The following ZNF804A variants were observed in gnomAD, a reference collection of about 807,000 sequenced individuals.
ZNF804A encodes the protein zinc finger protein 804A.
ZNF804A carries 2 observed loss-of-function variants against 16.5 expected under a neutral mutation model. The observed-to-expected ratio is 0.12, with a 90% CI of 0.05 to 0.38. ZNF804A has a LOEUF of 0.38. Among genes scored for constraint, ZNF804A ranks in the 10% least tolerant of loss-of-function variants. The probability of loss-of-function intolerance (pLI) is 0.99; values close to 1 mark genes in which losing one functional copy is unlikely to be tolerated. For missense variants in ZNF804A, 1,473 were observed against 1,390.7 expected (o/e 1.06, Z -0.94); for synonymous variants, 534 against 489.6 (o/e 1.09, Z -1.20).
In ZNF804A at chr2:184,887,864, C is replaced by T. The variant is rs149091995; in HGVS notation, c.255+21352C>T. Among the ~76,000 whole-genome samples the T allele has an allele frequency of 1.1e-4, 16 of 152,194 alleles. No homozygotes were observed. The East Asian group carries it at 2.5e-3, about 24-fold the overall frequency. On this transcript the variant is annotated intron_variant, in intron 2 of 3. Transcript: ENST00000302277. ...CAGGCCACTATCTTAAGTGAGTTAA[C>T]ACAGGAACAGAAAACCAAATACCAC...
chr2:184,861,137 A>G (rs2105808698), intron 1 of ZNF804A, among the ~76,000 whole-genome samples: 1 of 152,302 alleles, frequency 6.6e-6, no homozygotes, highest in East Asian at 1.9e-4. Flanking sequence ...CCTGCCCAGC[A>G]TTAGTTTTTT....
intron 1 of ZNF804A, among the ~76,000 whole-genome samples, chr2:184,759,916 ACT>A (rs1419302578): frequency 6.6e-6 from 1 of 151,884 alleles, no homozygotes; most frequent in African/African-American, 2.4e-5. Context: ...CCCTTTGCTG[ACT>A]CTCTTTTCGG....
rs751620835 is a variant in ZNF804A at position 184,937,391 on chromosome 2, A to C, written c.1995A>C (p.Ile665=). 2.7e-5 allele frequency: 44 copies of C among 1,613,398 alleles called. No homozygotes were observed. Among genetic ancestry groups the C allele is most frequent in the Non-Finnish European group, 5.1e-6 (6 of 1,179,770 alleles). Residue 665 remains isoleucine (I), a synonymous_variant, in exon 4 of 4, where the codon ATA becomes ATC. Transcript: ENST00000302277. ...LLDKRPKSES[I]SLSDNEEMCK... ...ATAAAAGGCCCAAATCAGAATCCAT[A>C]TCCTTAAGTGACAATGAAGAAATGT... is the stretch of plus-strand genomic sequence containing the variant.
At chr2:184,711,072 G>T (rs541334200) in intron 1 of ZNF804A, among the ~76,000 whole-genome samples, 1 of 151,814 alleles carries the variant, frequency 6.6e-6, no homozygotes, top group Admixed American at 6.6e-5. Flanking sequence ...TGTTTTGAGA[G>T]ATGTGACTAT....
intron 1 of ZNF804A, among the ~76,000 whole-genome samples, chr2:184,816,540 G>A (rs1393281976): frequency 6.6e-6 from 1 of 151,924 alleles, no homozygotes; most frequent in Non-Finnish European, 1.5e-5. Flanking sequence ...ATTATTCAAC[G>A]TTCAATGTTC....
intron 2 of ZNF804A, among the ~76,000 whole-genome samples, chr2:184,899,461 T>C (rs1167318482): frequency 6.6e-6 from 1 of 152,002 alleles, no homozygotes; most frequent in Non-Finnish European, 1.5e-5. Context: ...TTCAAAAGTG[T>C]GGTCTTTTTC....
chr2:184,706,130 T>C (rs79300728), intron 1 of ZNF804A, among the ~76,000 whole-genome samples: 2,444 of 152,298 alleles, frequency 0.016, 25 homozygotes, highest in Non-Finnish European at 0.026. Context: ...TTTTCAGTCA[T>C]GTTCCTTCCA....
chr2:184,602,737 CATT>C (rs1335794745), intron 1 of ZNF804A, among the ~76,000 whole-genome samples: 1 of 151,904 alleles, frequency 6.6e-6, no homozygotes, highest in Non-Finnish European at 1.5e-5. Context: ...CTCATAATAA[CATT>C]ATATCTATTT....
At position 184,853,608 on chromosome 2, in the gene ZNF804A, A is replaced by G. The variant is rs984899499; in HGVS notation, c.112-12761A>G. On this transcript the variant is annotated intron_variant, in intron 1 of 3. Coordinates refer to ENST00000302277, the MANE Select transcript of ZNF804A (RefSeq NM_194250.2). ...TTTTGAGAGCATTTATCATGAGAGG[A>G]TGTTGAGTTTAGTTAAATTTTTTTC... is the stretch of plus-strand genomic sequence containing the variant. 1.4e-4 allele frequency among the ~76,000 whole-genome samples: 21 copies of G among 151,490 alleles called. No homozygotes were observed. The Admixed American group carries it at 1.4e-3, about 10-fold the overall frequency.
At chr2:184,886,029 C>T (rs1684884479) in intron 2 of ZNF804A, among the ~76,000 whole-genome samples, 1 of 152,144 alleles carries the variant, frequency 6.6e-6, no homozygotes, top group African/African-American at 2.4e-5. Context: ...AGTCCACAGT[C>T]CAAAGTCTCA....
intron 2 of ZNF804A, among the ~76,000 whole-genome samples, chr2:184,870,872 G>A (rs7588907): frequency 5.9e-5 from 9 of 151,512 alleles, no homozygotes; most frequent in African/African-American, 2.2e-4. Flanking sequence ...CCATCCTTCA[G>A]AAGAGTAATG....
intron 1 of ZNF804A, among the ~76,000 whole-genome samples, chr2:184,843,705 C>T (rs10180597): frequency 0.15 from 23,246 of 152,138 alleles, 1,974 homozygotes; most frequent in Middle Eastern, 0.24. Context: ...TTTCTACCAT[C>T]TCTAGTAACG....
chr2:184,933,164 CAG>C (rs1244017175), intron 2 of ZNF804A, among the ~76,000 whole-genome samples: 2 of 145,834 alleles, frequency 1.4e-5, no homozygotes, highest in African/African-American at 5.1e-5. Context: ...CACACACACA[CAG>C]ACACAAAGGA....
intron 1 of ZNF804A, among the ~76,000 whole-genome samples, chr2:184,705,864 A>G (rs1284436227): frequency 3.3e-5 from 5 of 152,168 alleles, no homozygotes; most frequent in African/African-American, 1.2e-4. Flanking sequence ...AAGTTATTGA[A>G]CAACAGATTG....
chr2:184,685,550 T>TCTG (rs1461664262), intron 1 of ZNF804A, among the ~76,000 whole-genome samples: 1 of 152,062 alleles, frequency 6.6e-6, no homozygotes, highest in Non-Finnish European at 1.5e-5. Flanking sequence ...AGAGAGGAGC[T>TCTG]TCATTGAGTG....
intron 2 of ZNF804A, among the ~76,000 whole-genome samples, chr2:184,882,025 T>C (rs1028867695): frequency 1.3e-5 from 2 of 152,014 alleles, no homozygotes; most frequent in African/African-American, 4.8e-5. Flanking sequence ...GACCCAGTGG[T>C]ATGCTGGTTT....
At position 184,866,692 on chromosome 2, in the gene ZNF804A, TA is replaced by T. The variant is rs1301517985; in HGVS notation, c.255+189del. Among the ~76,000 whole-genome samples, 286 of 142,132 alleles carry T rather than the reference TA, an allele frequency of 2.0e-3. 1 individual carries two copies. Among genetic ancestry groups the T allele is most frequent in the South Asian group, 2.9e-3 (13 of 4,558 alleles). The allele number at this position is 142,132 out of a possible 152,430, so 93.2% of individuals were successfully genotyped here. ...ACAGCAAAATCCTTTTTTTTTTTTT[TA>T]AAAAAAAAGGCACCAATAGCAAAGT... On this transcript the variant is annotated intron_variant, in intron 2 of 3. Coordinates refer to ENST00000302277, the MANE Select transcript of ZNF804A (RefSeq NM_194250.2).
chr2:184,932,066 G>C (rs1490082702), intron 2 of ZNF804A, among the ~76,000 whole-genome samples: 1 of 152,104 alleles, frequency 6.6e-6, no homozygotes, highest in Non-Finnish European at 1.5e-5. Flanking sequence ...ACCTCAGCCT[G>C]GACTTTATTA....
intron 1 of ZNF804A, among the ~76,000 whole-genome samples, chr2:184,691,068 C>A (rs1003626817): frequency 2.0e-5 from 3 of 151,844 alleles, no homozygotes; most frequent in African/African-American, 4.8e-5. Context: ...ATATATTTAG[C>A]GGGGTTCACT....
Sources: allele counts gnomAD v4.1 joint callset (sites outside exome capture counted in the v4.1 genomes callset), GRCh38; gene constraint gnomAD v4.1.1; transcripts MANE v1.5; gene names NCBI Gene and HGNC (gene_info 2026-07-23, HGNC 2026-07-21).